KCNMB4: variants seen among roughly 807,000 people sequenced by gnomAD.
The protein encoded by KCNMB4 is potassium calcium-activated channel subfamily M regulatory beta subunit 4.
KCNMB4 carries 3 observed loss-of-function variants against 20.7 expected under a neutral mutation model. The observed-to-expected ratio is 0.14, with a 90% CI of 0.07 to 0.37. The LOEUF (loss-of-function observed/expected upper bound fraction) is 0.37. Among genes scored for constraint, KCNMB4 ranks in the 10% least tolerant of loss-of-function variants. KCNMB4 has a pLI of 1.00. For missense variants in KCNMB4, 168 were observed against 265.9 expected, an observed-to-expected ratio of 0.63 and a Z score of 2.56; for synonymous variants, 110 against 113.4, an observed-to-expected ratio of 0.97 and a Z score of 0.19.
intron 2 of KCNMB4, among the ~76,000 whole-genome samples, chr12:70,402,637 A>G (rs1390718944): frequency 6.8e-6 from 1 of 147,198 alleles, no homozygotes; most frequent in Non-Finnish European, 1.5e-5. Context: ...CCTGGGTGAC[A>G]AAATGAGACC....
chr12:70,380,848 A>G (rs1268089032), intron 1 of KCNMB4, among the ~76,000 whole-genome samples: 1 of 152,222 alleles, frequency 6.6e-6, no homozygotes, highest in Non-Finnish European at 1.5e-5. Context: ...TAAAACTTTA[A>G]TGCTTGAATA....
chr12:70,431,772 C>G lies in KCNMB4; in HGVS notation c.*1119C>G, dbSNP rs1397334070. On this transcript the variant is annotated 3_prime_UTR_variant, in exon 3 of 3. Transcript: ENST00000258111. ...AAATTCCAAGTATCAAATCGCAGGT[C>G]TCAGTGAACATCAAACCTATTTACT... 2 of 152,084 alleles carry G rather than the reference C, an allele frequency of 1.3e-5. No individual in the cohort carries two copies. The highest frequency in any genetic ancestry group is 4.8e-5 in the African/African-American group (2 of 41,416). 9.4% of individuals were successfully genotyped at this position (152,084 alleles called of 1,614,324 possible).
At chr12:70,400,367 A>G (rs1304032463) in intron 2 of KCNMB4, 31 bp downstream of exon 2, 4 of 1,590,316 alleles carry the variant, frequency 2.5e-6, no homozygotes, top group Admixed American at 1.8e-5. Flanking sequence ...GCGTGTTAAA[A>G]TTGTTTGTAG....
At chr12:70,377,132 G>C (rs11178206) in intron 1 of KCNMB4, among the ~76,000 whole-genome samples, 11,227 of 152,132 alleles carry the variant, frequency 0.074, 641 homozygotes, top group East Asian at 0.27. Context: ...ACCCCAGCTG[G>C]ATTAGTTATT....
Position 70,433,517 on chromosome 12 carries a change from CA to C in KCNMB4, c.*2865del. Reference sequence around the variant, plus strand: ...CCATCACTTCTGCCCACCGTCCATTCATGAATACTTACTATATAGCTATACC... The same window carrying C: ...CCATCACTTCTGCCCACCGTCCATTCTGAATACTTACTATATAGCTATACC... On this transcript the variant is annotated 3_prime_UTR_variant, in exon 3 of 3. Transcript: ENST00000258111. The C allele has an allele frequency of 6.6e-6, 1 of 152,230 alleles. No homozygotes were observed. Among genetic ancestry groups the C allele is most frequent in the Non-Finnish European group, 1.5e-5 (1 of 68,044 alleles). 9.4% of individuals were successfully genotyped at this position (152,230 alleles called of 1,614,324 possible).
intron 1 of KCNMB4, among the ~76,000 whole-genome samples, chr12:70,376,510 T>G (rs1883689143): frequency 6.6e-6 from 1 of 152,074 alleles, no homozygotes; most frequent in African/African-American, 2.4e-5. Flanking sequence ...GGATACAATA[T>G]CAATATACAA....
At chr12:70,391,777 G>A (rs1291766052) in intron 1 of KCNMB4, among the ~76,000 whole-genome samples, 1 of 152,222 alleles carries the variant, frequency 6.6e-6, no homozygotes, top group Non-Finnish European at 1.5e-5. Flanking sequence ...AGAGATGCAA[G>A]CAGGTGCTTT....
chr12:70,385,090 A>G (rs1593327137), intron 1 of KCNMB4, among the ~76,000 whole-genome samples: 1 of 152,122 alleles, frequency 6.6e-6, no homozygotes, highest in African/African-American at 2.4e-5. Context: ...TGGTATTTGT[A>G]TTTGTAGTTA....
intron 2 of KCNMB4, among the ~76,000 whole-genome samples, chr12:70,401,086 C>T (rs1868436906): frequency 6.6e-6 from 1 of 152,212 alleles, no homozygotes; most frequent in East Asian, 1.9e-4. Flanking sequence ...AGTGCAGTGA[C>T]GAGATCTTGG....
chr12:70,415,507 T>A (rs147629848), intron 2 of KCNMB4, among the ~76,000 whole-genome samples: 426 of 152,348 alleles, frequency 2.8e-3, no homozygotes, highest in Non-Finnish European at 4.9e-3. Flanking sequence ...CATAAGGGAC[T>A]GTATTAAATC....
chr12:70,422,878 A>G lies in KCNMB4; in HGVS notation c.465-7607A>G, dbSNP rs896407364. 6 of 1,153,456 alleles carry G rather than the reference A, an allele frequency of 5.2e-6. No homozygotes were observed. In the Admixed American group the frequency reaches 2.4e-4, roughly 47 times the overall value. The allele number at this position is 1,153,456 out of a possible 1,614,324, so 71.5% of individuals were successfully genotyped here. A position where few individuals can be genotyped will look rare whatever the true frequency, so the allele number is the denominator to read the frequency against. On this transcript the variant is annotated intron_variant, in intron 2 of 2. Coordinates refer to ENST00000258111, the MANE Select transcript of KCNMB4 (RefSeq NM_014505.6). Reference sequence around the variant, plus strand: ...AGTAAAACCTTTTAAAAAGTCTATTACTCTGGGAGCACAGAGTGGCGACGG... The same window carrying G: ...AGTAAAACCTTTTAAAAAGTCTATTGCTCTGGGAGCACAGAGTGGCGACGG...
At chr12:70,408,224 T>C (rs925166852) in intron 2 of KCNMB4, among the ~76,000 whole-genome samples, 26 of 152,008 alleles carry the variant, frequency 1.7e-4, no homozygotes, top group Admixed American at 1.7e-3. Flanking sequence ...TACCATGACA[T>C]ATGTGAGAGG....
chr12:70,369,058 T>C (rs1220927207), intron 1 of KCNMB4, among the ~76,000 whole-genome samples: 1 of 152,226 alleles, frequency 6.6e-6, no homozygotes, highest in Non-Finnish European at 1.5e-5. Context: ...AAAAAGTACC[T>C]GAACAAAATA....
chr12:70,408,927 A>G (rs1868691633), intron 2 of KCNMB4, among the ~76,000 whole-genome samples: 1 of 151,878 alleles, frequency 6.6e-6, no homozygotes, highest in Admixed American at 6.6e-5. Context: ...TTGCCAGAAA[A>G]CTTCTCTGTA....
chr12:70,426,603 T>C (rs1309703692), intron 2 of KCNMB4, among the ~76,000 whole-genome samples: 3 of 152,186 alleles, frequency 2.0e-5, no homozygotes, highest in Non-Finnish European at 4.4e-5. Flanking sequence ...GGTAAATAAA[T>C]AGTACAATTT....
chr12:70,396,464 C>T (rs890328075), intron 1 of KCNMB4, among the ~76,000 whole-genome samples: 2 of 152,120 alleles, frequency 1.3e-5, no homozygotes, highest in Admixed American at 1.3e-4. Context: ...TGCCACCACG[C>T]CCTGCTAATT....
intron 1 of KCNMB4, among the ~76,000 whole-genome samples, chr12:70,375,802 A>G (rs141287544): frequency 6.6e-6 from 1 of 152,136 alleles, no homozygotes; most frequent in Non-Finnish European, 1.5e-5. Context: ...TGGTCATGGT[A>G]TATAATTCTT....
intron 2 of KCNMB4, among the ~76,000 whole-genome samples, chr12:70,417,087 A>G (rs1868931354): frequency 6.6e-6 from 1 of 152,200 alleles, no homozygotes; most frequent in African/African-American, 2.4e-5. Flanking sequence ...GGAGCTATAG[A>G]AAAGAAAATA....
In KCNMB4 at chr12:70,432,399, T is replaced by C. The variant is rs1869392779; in HGVS notation, c.*1746T>C. Reference sequence around the variant, plus strand: ...GAGTATAATCTTCTTCTGTTTATTTTTGTGTTTTGTTTTTTAACAGATGGG... The same window carrying C: ...GAGTATAATCTTCTTCTGTTTATTTCTGTGTTTTGTTTTTTAACAGATGGG... On this transcript the variant is annotated 3_prime_UTR_variant, in exon 3 of 3. Transcript: ENST00000258111. 6.6e-6 allele frequency: 1 copy of C among 152,164 alleles called. No individual in the cohort carries two copies. The highest frequency in any genetic ancestry group is 1.9e-4 in the East Asian group (1 of 5,190). The allele number at this position is 152,164 out of a possible 1,614,324, so 9.4% of individuals were successfully genotyped here. A position where few individuals can be genotyped will look rare whatever the true frequency, so the allele number is the denominator to read the frequency against.
Sources: allele counts gnomAD v4.1 joint callset (sites outside exome capture counted in the v4.1 genomes callset), GRCh38; gene constraint gnomAD v4.1.1; transcripts MANE v1.5; gene names NCBI Gene and HGNC (gene_info 2026-07-23, HGNC 2026-07-21).